Variants in STK32B observed in about 807,000 individuals in gnomAD.
STK32B encodes serine/threonine kinase 32B, also known as serine/threonine-protein kinase 32B.
Under a neutral mutation model 52.6 loss-of-function variants are expected in STK32B, and 43 were observed. The observed-to-expected ratio is 0.82, with a 90% CI of 0.64 to 1.05. The LOEUF (loss-of-function observed/expected upper bound fraction) is 1.05, where lower values mean the gene tolerates loss of function less well. STK32B is among the 50% of genes least tolerant of loss of function. The pLI, the probability that STK32B is intolerant of heterozygous loss-of-function variation, is 0.00. For missense variants in STK32B, 621 were observed against 534.6 expected (o/e 1.16, Z -1.59); for synonymous variants, 238 against 204.3 (o/e 1.17, Z -1.41).
intron 3 of STK32B, among the ~76,000 whole-genome samples, chr4:5,324,428 GTTATTA>G (rs776638398): frequency 1.1e-4 from 16 of 152,162 alleles, no homozygotes; most frequent in African/African-American, 2.4e-4. Context: ...AGTGTTAACT[GTTATTA>G]TTATAAGGGA....
At chr4:5,060,969 G>C (rs907822826) in intron 1 of STK32B, among the ~76,000 whole-genome samples, 4 of 152,152 alleles carry the variant, frequency 2.6e-5, no homozygotes, top group African/African-American at 9.7e-5. Flanking sequence ...TTGATGATGT[G>C]CATAGGTATG....
At chr4:5,451,175 T>C (rs760586315) in intron 7 of STK32B, among the ~76,000 whole-genome samples, 10 of 152,206 alleles carry the variant, frequency 6.6e-5, no homozygotes, top group Non-Finnish European at 1.5e-4. Flanking sequence ...ACAACGATGA[T>C]TCCACAAGAC....
At chr4:5,253,804 C>A (rs1345944942) in intron 3 of STK32B, among the ~76,000 whole-genome samples, 1 of 152,184 alleles carries the variant, frequency 6.6e-6, no homozygotes, top group Non-Finnish European at 1.5e-5. Context: ...TTTGTCACAA[C>A]TAAAGAGAAA....
In STK32B at chr4:5,482,217, A is replaced by G. The variant is rs560024725; in HGVS notation, c.1106+14147A>G. On this transcript the variant is annotated intron_variant, in intron 11 of 11. Coordinates refer to ENST00000282908, the MANE Select transcript of STK32B (RefSeq NM_018401.3). ...CGATATTGATTCTTCCTACCCATGAATATGGAATGTTCTTCCATTTGTTTG... is the reference window on the plus strand; with the variant it reads ...CGATATTGATTCTTCCTACCCATGAGTATGGAATGTTCTTCCATTTGTTTG... Among the ~76,000 whole-genome samples, 438 of 152,280 alleles carry G rather than the reference A, an allele frequency of 2.9e-3. 4 individuals carry two copies. Among genetic ancestry groups the G allele is most frequent in the African/African-American group, 9.4e-3 (389 of 41,570 alleles).
intron 3 of STK32B, among the ~76,000 whole-genome samples, chr4:5,319,227 A>T (rs2108934688): frequency 6.6e-6 from 1 of 152,290 alleles, no homozygotes; most frequent in East Asian, 1.9e-4. Flanking sequence ...TTCCTGTATG[A>T]CTAATGAGGA....
rs546915851 is a variant in STK32B, at chr4:5,146,322, C to T, written c.108+6362C>T. Among the ~76,000 whole-genome samples, 3 of 152,262 alleles carry T rather than the reference C, an allele frequency of 2.0e-5. No individual in the cohort carries two copies. The East Asian group carries it at 5.8e-4, about 29-fold the overall frequency. On this transcript the variant is annotated intron_variant, in intron 2 of 11. Transcript: ENST00000282908. ...GGAAACCGAAAATGCAGCCTTCAGT[C>T]TGTGACCGAAAGCCTGAGAGCCCCT...
At chr4:5,447,007 T>C (rs1715516564) in intron 7 of STK32B, 3 of 476,322 alleles carry the variant, frequency 6.3e-6, no homozygotes, top group Admixed American at 3.4e-5. Context: ...GGGAGGGTCT[T>C]ACACAAAGGC....
intron 4 of STK32B, among the ~76,000 whole-genome samples, chr4:5,339,514 G>T (rs1732929924): frequency 6.6e-6 from 1 of 152,122 alleles, no homozygotes; most frequent in Admixed American, 6.5e-5. Flanking sequence ...TGGAAATGCT[G>T]TGCAATGTTT....
chr4:5,128,298 A>G (rs1487110199), intron 1 of STK32B, among the ~76,000 whole-genome samples: 3 of 152,218 alleles, frequency 2.0e-5, no homozygotes, highest in Admixed American at 6.5e-5. Flanking sequence ...TACATTGGGA[A>G]TGCAGGAAGG....
intron 3 of STK32B, among the ~76,000 whole-genome samples, chr4:5,197,188 A>G (rs1310210306): frequency 6.6e-6 from 1 of 152,194 alleles, no homozygotes; most frequent in Non-Finnish European, 1.5e-5. Flanking sequence ...TGGCTAGCAA[A>G]GAGCTCACCT....
intron 3 of STK32B, among the ~76,000 whole-genome samples, chr4:5,235,241 G>C (rs1362764563): frequency 1.3e-5 from 2 of 152,220 alleles, no homozygotes; most frequent in Non-Finnish European, 2.9e-5. Context: ...ACAAAATGCT[G>C]TGTACACTGC....
At chr4:5,201,312 C>T (rs1722122658) in intron 3 of STK32B, among the ~76,000 whole-genome samples, 1 of 152,194 alleles carries the variant, frequency 6.6e-6, no homozygotes, top group African/African-American at 2.4e-5. Context: ...GAGCATCCTG[C>T]AGCCCCATTT....
intron 3 of STK32B, among the ~76,000 whole-genome samples, chr4:5,170,564 G>C (rs1158944345): frequency 6.6e-6 from 1 of 151,976 alleles, no homozygotes; most frequent in South Asian, 2.1e-4. Context: ...GCAGTGTGTG[G>C]TTTCTTGTCC....
At chr4:5,190,458 G>T (rs16836806) in intron 3 of STK32B, among the ~76,000 whole-genome samples, 1 of 152,048 alleles carries the variant, frequency 6.6e-6, no homozygotes. Context: ...TGACTAGTGC[G>T]ATCAGAGTGC....
chr4:5,256,296 A>C (rs954793040), intron 3 of STK32B, among the ~76,000 whole-genome samples: 7 of 152,164 alleles, frequency 4.6e-5, no homozygotes, highest in Non-Finnish European at 1.0e-4. Context: ...TGTGACATTT[A>C]CTTCACAGAA....
At position 5,301,144 on chromosome 4, in the gene STK32B, G is replaced by A. The variant is rs997821136; in HGVS notation, c.261-30076G>A. Reference sequence around the variant, plus strand: ...GGCATAAATCCTACTTGCTCATGATGTATAATGCTTGTATATGTTGCTGGA... The same window carrying A: ...GGCATAAATCCTACTTGCTCATGATATATAATGCTTGTATATGTTGCTGGA... On this transcript the variant is annotated intron_variant, in intron 3 of 11. Transcript: ENST00000282908. Among the ~76,000 whole-genome samples, 9 of 152,186 alleles carry A rather than the reference G, an allele frequency of 5.9e-5. 1 individual carries two copies. The highest frequency in any genetic ancestry group is 1.3e-4 in the Non-Finnish European group (9 of 67,982).
At chr4:5,337,332 A>G (rs1222205175) in intron 4 of STK32B, among the ~76,000 whole-genome samples, 2 of 152,106 alleles carry the variant, frequency 1.3e-5, no homozygotes, top group Non-Finnish European at 2.9e-5. Context: ...CAGACACGCT[A>G]TTCAACCATG....
chr4:5,387,292 G>T (rs1736322102), intron 4 of STK32B, among the ~76,000 whole-genome samples: 1 of 152,186 alleles, frequency 6.6e-6, no homozygotes. Flanking sequence ...ACACCTGCTG[G>T]ATGCTGGATG....
intron 6 of STK32B, among the ~76,000 whole-genome samples, chr4:5,430,260 C>T (rs1368841142): frequency 6.6e-6 from 1 of 152,170 alleles, no homozygotes; most frequent in Non-Finnish European, 1.5e-5. Context: ...TATTTACATG[C>T]CCTCTTCTCC....
Sources: gnomAD v4.1 joint callset for allele counts (sites outside exome capture counted in the v4.1 genomes callset) on GRCh38, gnomAD v4.1.1 for gene constraint, MANE v1.5 for transcripts, NCBI Gene and HGNC (gene_info 2026-07-23, HGNC 2026-07-21) for gene names.